The following ASIC2 variants were observed in gnomAD, a reference collection of about 807,000 sequenced individuals.
ASIC2 encodes acid-sensing ion channel 2.
ASIC2 carries 25 observed loss-of-function variants against 57.3 expected under a neutral mutation model. That is an observed-to-expected ratio of 0.44 (90% CI 0.32 to 0.61). The LOEUF (loss-of-function observed/expected upper bound fraction) is 0.61, where lower values mean the gene tolerates loss of function less well. Ranked by LOEUF, ASIC2 falls within the 20% of genes least tolerant of loss-of-function variation. The probability of loss-of-function intolerance (pLI) is 0.06; values close to 1 mark genes in which losing one functional copy is unlikely to be tolerated. For synonymous variants in ASIC2, 319 were observed against 307.5 expected (o/e 1.04, Z -0.39); for missense variants, 641 against 738.1 (o/e 0.87, Z 1.52).
At chr17:33,839,376 C>T (rs1913362511) in intron 1 of ASIC2, among the ~76,000 whole-genome samples, 1 of 152,210 alleles carries the variant, frequency 6.6e-6, no homozygotes, top group Non-Finnish European at 1.5e-5. Context: ...CACCCAGAGT[C>T]CCACAGTTCC....
intron 1 of ASIC2, among the ~76,000 whole-genome samples, chr17:33,908,644 C>A (rs1481055014): frequency 6.6e-6 from 1 of 152,168 alleles, no homozygotes; most frequent in Non-Finnish European, 1.5e-5. Flanking sequence ...AGTCAGCTTA[C>A]CTGAGTTACT....
At chr17:33,477,358 A>G (rs1385896291) in intron 1 of ASIC2, among the ~76,000 whole-genome samples, 2 of 152,196 alleles carry the variant, frequency 1.3e-5, no homozygotes, top group African/African-American at 2.4e-5. Flanking sequence ...GGGAAGCTAC[A>G]TGGTGTGGTA....
intron 1 of ASIC2, among the ~76,000 whole-genome samples, chr17:33,803,036 G>C (rs553902139): frequency 6.6e-6 from 1 of 152,184 alleles, no homozygotes; most frequent in Non-Finnish European, 1.5e-5. Context: ...TCTTTTCTCA[G>C]CTCCAAAGTC....
intron 1 of ASIC2, among the ~76,000 whole-genome samples, chr17:33,980,256 G>C (rs1191121079): frequency 6.6e-6 from 1 of 152,134 alleles, no homozygotes; most frequent in East Asian, 1.9e-4. Context: ...GGACTCAAGA[G>C]CCCAAGGACA....
chr17:33,523,061 T>C (rs1212977498), intron 1 of ASIC2, among the ~76,000 whole-genome samples: 2 of 152,182 alleles, frequency 1.3e-5, no homozygotes, highest in Non-Finnish European at 2.9e-5. Flanking sequence ...TGGGCCTCAA[T>C]CTTCTTTTTG....
intron 1 of ASIC2, among the ~76,000 whole-genome samples, chr17:33,701,735 C>T (rs1448003550): frequency 6.6e-6 from 1 of 152,192 alleles, no homozygotes; most frequent in African/African-American, 2.4e-5. Context: ...CATTAGAGAT[C>T]AAGTCATGAG....
chr17:33,443,620 T>G (rs1383122270), intron 1 of ASIC2, among the ~76,000 whole-genome samples: 3 of 150,512 alleles, frequency 2.0e-5, no homozygotes, highest in East Asian at 2.0e-4. Flanking sequence ...GTTTCACCGT[T>G]TTAGCCGGGA....
Position 33,336,991 on chromosome 17 carries a change from G to A in ASIC2, c.556-224924C>T, listed in dbSNP as rs937936951. On this transcript the variant is annotated intron_variant, in intron 1 of 9. Transcript: ENST00000359872. Reference sequence around the variant, plus strand: ...GGATTCATCAGGGTGCCTGGGCTGCGTAGAAATATCTCCAGAGAATGTCCA... The same window carrying A: ...GGATTCATCAGGGTGCCTGGGCTGCATAGAAATATCTCCAGAGAATGTCCA... Among the ~76,000 whole-genome samples the A allele has an allele frequency of 7.2e-5, 11 of 152,198 alleles. No homozygotes were observed. The East Asian group carries it at 2.1e-3, about 30-fold the overall frequency.
At position 33,082,701 on chromosome 17, in the gene ASIC2, AAAATAAAT is replaced by A. The variant is rs34712140; in HGVS notation, c.987+6154_987+6161del. Among the ~76,000 whole-genome samples the A allele has an allele frequency of 6.1e-3, 853 of 139,588 alleles. 6 individuals are homozygous for A. The highest frequency in any genetic ancestry group is 0.016 in the African/African-American group (595 of 37,766). 91.6% of individuals were successfully genotyped at this position (139,588 alleles called of 152,430 possible). ...GCGACAGAGTGAGACTCTGTCTCCA[AAAATAAAT>A]AAATAAATAAATAAATAAATAAATA... On this transcript the variant is annotated intron_variant, in intron 3 of 9. Transcript: ENST00000225823.
intron 1 of ASIC2, among the ~76,000 whole-genome samples, chr17:33,625,845 G>A (rs1369180264): frequency 6.6e-6 from 1 of 152,202 alleles, no homozygotes; most frequent in Non-Finnish European, 1.5e-5. Flanking sequence ...GAGTATCTTT[G>A]AACTGGATTC....
At chr17:33,841,792 A>G (rs755499094) in intron 1 of ASIC2, among the ~76,000 whole-genome samples, 23 of 152,166 alleles carry the variant, frequency 1.5e-4, no homozygotes, top group Admixed American at 2.6e-4. Flanking sequence ...AATCCCTATC[A>G]ACCTCAATAG....
chr17:33,063,316 T>C lies in ASIC2; in HGVS notation c.987+25547A>G, dbSNP rs183998025. 8.9e-4 allele frequency among the ~76,000 whole-genome samples: 136 copies of C among 152,370 alleles called. 1 individual carries two copies. The East Asian group carries it at 0.024, about 27-fold the overall frequency. On this transcript the variant is annotated intron_variant, in intron 3 of 9. Coordinates refer to ENST00000225823, the MANE Select transcript of ASIC2 (RefSeq NM_183377.2). ...GGCTGGTACCAGCTGTTCCTTTCCA[T>C]GTTTAGTGCTTCCTTCAGGAGCTCT...
rs190147325 is a variant in ASIC2, at chr17:33,304,086, G to A, written c.556-192019C>T. Among the ~76,000 whole-genome samples the A allele has an allele frequency of 5.5e-3, 831 of 152,254 alleles. 2 individuals carry two copies. The highest frequency in any genetic ancestry group is 7.6e-3 in the Non-Finnish European group (515 of 68,022). On this transcript the variant is annotated intron_variant, in intron 1 of 9. Transcript: ENST00000359872. ...CAAATTGAAAACAAAACATTTCACA[G>A]GTCCAGTAATAGAGGAATGGCCAGG...
intron 1 of ASIC2, among the ~76,000 whole-genome samples, chr17:33,492,174 C>G (rs2141935279): frequency 6.6e-6 from 1 of 152,332 alleles, no homozygotes; most frequent in South Asian, 2.1e-4. Context: ...CGTTATGCAG[C>G]AGGTTCTAAG....
intron 1 of ASIC2, among the ~76,000 whole-genome samples, chr17:33,840,799 C>CCA (rs10525634): frequency 0.13 from 19,036 of 147,504 alleles, 1,647 homozygotes; most frequent in East Asian, 0.51. Context: ...CCTGGACACA[C>CCA]CACACACACA....
At chr17:34,066,089 A>G (rs1859219) in intron 1 of ASIC2, among the ~76,000 whole-genome samples, 132,690 of 152,118 alleles carry the variant, frequency 0.87, 58,019 homozygotes, top group South Asian at 0.9. Flanking sequence ...CCTGAGTCTC[A>G]GTTCACACTC....
chr17:33,888,884 G>C (rs67236820), intron 1 of ASIC2, among the ~76,000 whole-genome samples: 1 of 151,874 alleles, frequency 6.6e-6, no homozygotes, highest in African/African-American at 2.4e-5. Flanking sequence ...TCCCACAATC[G>C]GTCCACAGTA....
intron 1 of ASIC2, among the ~76,000 whole-genome samples, chr17:33,199,508 G>T (rs142479375): frequency 1.3e-5 from 2 of 152,144 alleles, no homozygotes; most frequent in African/African-American, 4.8e-5. Context: ...AGCTTTTACT[G>T]GCTCCTGCAT....
At chr17:34,095,583 G>C (rs941073124) in intron 1 of ASIC2, among the ~76,000 whole-genome samples, 1 of 134,654 alleles carries the variant, frequency 7.4e-6, no homozygotes, top group African/African-American at 2.6e-5. Context: ...GCCAAGGGAA[G>C]AGTTGGGGAG....
Sources: gnomAD v4.1 joint callset for allele counts (sites outside exome capture counted in the v4.1 genomes callset) on GRCh38, gnomAD v4.1.1 for gene constraint, MANE v1.5 for transcripts, NCBI Gene and HGNC (gene_info 2026-07-23, HGNC 2026-07-21) for gene names.